Variants in NOS3 observed in about 807,000 individuals in gnomAD.
The protein encoded by NOS3 is NOS type III.
In NOS3, 98 loss-of-function variants were observed where a neutral mutation model predicts 144.9. The ratio of observed to expected loss-of-function variants is 0.68; its 90% confidence interval spans 0.57 to 0.80. The LOEUF (loss-of-function observed/expected upper bound fraction) is 0.80, where lower values mean the gene tolerates loss of function less well. Ranked by LOEUF, NOS3 falls within the 30% of genes least tolerant of loss-of-function variation. The pLI is 0.00. For synonymous variants in NOS3, 714 were observed against 702.4 expected, an observed-to-expected ratio of 1.02 and a Z score of -0.26; for missense variants, 1,465 against 1,656.4, an observed-to-expected ratio of 0.88 and a Z score of 2.01.
At position 150,996,906 on chromosome 7, in the gene NOS3, T is replaced by G. The variant is rs934958946; in HGVS notation, c.563T>G (p.Ile188Ser). The G allele has an allele frequency of 6.3e-7, 1 of 1,576,382 alleles. No individual in the cohort carries two copies. Among genetic ancestry groups the G allele is most frequent in the African/African-American group, 1.3e-5 (1 of 74,288 alleles). Residue 188 changes from isoleucine to serine, a missense_variant, in exon 5 of 27, where the codon ATC becomes AGC. By Grantham distance (142) the Ile-to-Ser change is moderately radical. Around this residue, in one of 5 missense-constraint regions of NOS3, gnomAD observed 374 missense variants for 377.0 expected, o/e 0.99. Coordinates refer to ENST00000297494, the MANE Select transcript of NOS3 (RefSeq NM_000603.5). Reference sequence around the variant, plus strand: ...AACGCTCCCCGCTGCGTGGGCCGGATCCAGTGGGGGAAGCTGCAGGTGCGG... The same window carrying G: ...AACGCTCCCCGCTGCGTGGGCCGGAGCCAGTGGGGGAAGCTGCAGGTGCGG... Reference protein sequence around the residue: ...WRNAPRCVGRIQWGKLQVFDA... With the variant: ...WRNAPRCVGRSQWGKLQVFDA...
At chr7:151,011,136 C>G (rs1386613207) in intron 23 of NOS3, 150 bp downstream of exon 23, 1 of 623,396 alleles carries the variant, frequency 1.6e-6, no homozygotes, top group African/African-American at 1.8e-5. Flanking sequence ...CTTCAGAACT[C>G]TGGCTAAGCT....
rs544887797 is a variant in NOS3 at position 151,009,024 on chromosome 7, G to T, written c.2207G>T (p.Arg736Leu). The T allele has an allele frequency of 5.0e-6, 8 of 1,612,400 alleles. No homozygotes were observed. In the East Asian group the frequency reaches 1.8e-4, roughly 36 times the overall value. ...CGGAGCTGGAAGCGCCAGAGGTACC[G>T]GCTGAGCGCCCAGGCCGAGGGCCTG... ...PKRSWKRQRY[R>L]LSAQAEGLQL... The change falls in exon 18 of 27, where the codon CGG (arginine) becomes CTG (leucine). Residue 736 changes from arginine to leucine, a missense_variant. By Grantham distance (102) the Arg-to-Leu change is moderately radical. Transcript: ENST00000297494.
At chr7:151,012,218 G>GT in intron 23 of NOS3, 133 bp from the exon 24 acceptor site, 8 of 522,016 alleles carry the variant, frequency 1.5e-5, no homozygotes, top group African/African-American at 2.0e-5. Flanking sequence ...GTTGTTTTTT[G>GT]TTTTTTGTTT....
chr7:151,007,563 C>T (rs3730306), intron 17 of NOS3, among the ~76,000 whole-genome samples: 3,829 of 152,202 alleles, frequency 0.025, 74 homozygotes, highest in Middle Eastern at 0.044. Flanking sequence ...CACAAGTGGG[C>T]GCACAAAGGG....
chr7:150,997,277 G>A (rs1365125235), intron 5 of NOS3, among the ~76,000 whole-genome samples: 1 of 151,874 alleles, frequency 6.6e-6, no homozygotes, highest in Non-Finnish European at 1.5e-5. Context: ...GCGGGGGTGA[G>A]GAAGTCTAGA....
At position 150,993,650 on chromosome 7, in the gene NOS3, TTGTTCC is replaced by T; in HGVS notation, c.-51-99_-51-94del. The T allele has an allele frequency of 1.4e-6, 1 of 701,266 alleles. No individual in the cohort carries two copies. The highest frequency in any genetic ancestry group is 2.2e-5 in the South Asian group (1 of 44,838). The allele number at this position is 701,266 out of a possible 1,614,324, so 43.4% of individuals were successfully genotyped here. A position where few individuals can be genotyped will look rare whatever the true frequency, so the allele number is the denominator to read the frequency against. ...AGGCTTTAGAGCCTCCCAGCCGGGC[TTGTTCC>T]TGTCCCATTGTGTATGGGATAGGGG... On this transcript the variant is annotated intron_variant, in intron 1 of 26. Transcript: ENST00000297494. The surrounding 1 kb of genome is among the most constrained non-coding windows in gnomAD (Gnocchi z 4.0).
Position 150,993,917 on chromosome 7 carries a change from C to T in NOS3, c.114C>T (p.Pro38=). The change falls in exon 2 of 27, where the codon CCC becomes CCT. Residue 38 remains proline, a synonymous_variant. Transcript: ENST00000297494. This position sits in a 1 kb window ranked among gnomAD's most constrained non-coding sequence, Gnocchi z 4.0. ...GCCCAGCCACCCCGGCCCCTGAGCC[C>T]AGCCGGGCCCCAGCATCCCTACTCC... is the stretch of plus-strand genomic sequence containing the variant. ...KQGPATPAPE[P]SRAPASLLPP... The T allele has an allele frequency of 6.3e-7, 1 of 1,583,862 alleles. No individual in the cohort carries two copies. Among genetic ancestry groups the T allele is most frequent in the East Asian group, 2.3e-5 (1 of 43,184 alleles).
Position 151,013,838 on chromosome 7 carries a change from C to G in NOS3, c.3370C>G (p.Leu1124Val), listed in dbSNP as rs773318406. 1.9e-6 allele frequency: 3 copies of G among 1,607,078 alleles called. No homozygotes were observed. Among genetic ancestry groups the G allele is most frequent in the Non-Finnish European group, 2.5e-6 (3 of 1,177,446 alleles). The change falls in exon 26 of 27, where the codon CTG becomes GTG. Residue 1124 changes from leucine (L) to valine (V), a missense_variant. Leu to Val is a conservative substitution (Grantham distance 32). Around this residue, in one of 5 missense-constraint regions of NOS3, gnomAD observed 228 missense variants for 227.7 expected, o/e 1.00. Coordinates refer to ENST00000297494, the MANE Select transcript of NOS3 (RefSeq NM_000603.5). ...CGDVTMATNV[L>V]QTVQRILATE... Reference sequence around the variant, plus strand: ...CGATGTTACCATGGCAACCAACGTCCTGCAGACCGTGCAGCGCATCCTGGC... The same window carrying G: ...CGATGTTACCATGGCAACCAACGTCGTGCAGACCGTGCAGCGCATCCTGGC...
chr7:151,008,628 C>G (rs1328495526), intron 17 of NOS3, among the ~76,000 whole-genome samples: 1 of 152,350 alleles, frequency 6.6e-6, no homozygotes, highest in East Asian at 1.9e-4. Context: ...TCTGAACACA[C>G]AGACGCCTTC....
At chr7:150,994,870 C>T (rs1041042359) in intron 2 of NOS3, among the ~76,000 whole-genome samples, 10 of 152,228 alleles carry the variant, frequency 6.6e-5, no homozygotes, top group Admixed American at 1.3e-4. Flanking sequence ...GCACCAGGCT[C>T]TGTCCCCCTC....
chr7:151,003,507 CT>C lies in NOS3; in HGVS notation c.1752+1207del. 8.0e-7 allele frequency: 1 copy of C among 1,254,122 alleles called. No homozygotes were observed. Among genetic ancestry groups the C allele is most frequent in the South Asian group, 1.4e-5 (1 of 71,930 alleles). 77.7% of individuals were successfully genotyped at this position (1,254,122 alleles called of 1,614,324 possible). ...CGTTTCAGCCCTCATTCTGACCTAC[CT>C]TTTCAAGAAAAATAGCACCAGCAAT... is the stretch of plus-strand genomic sequence containing the variant. On this transcript the variant is annotated intron_variant, in intron 14 of 26. Transcript: ENST00000297494. The surrounding 1 kb of genome is among the most constrained non-coding windows in gnomAD (Gnocchi z 4.1).
Position 151,010,148 on chromosome 7 carries a change from G to A in NOS3, c.2546G>A (p.Arg849Gln), listed in dbSNP as rs751345639. The change falls in exon 21 of 27, where the codon CGG becomes CAG. Residue 849 changes from arginine to glutamine, a missense_variant. Physicochemically the swap from Arg to Gln is conservative, Grantham distance 43 (BLOSUM62 1). Coordinates refer to ENST00000297494, the MANE Select transcript of NOS3 (RefSeq NM_000603.5). ...CCCCCCGGCTGGGTGCGGGACCCCCGGCTGCCCCCGTGCACGCTGCGCCAG... is the reference window on the plus strand; with the variant it reads ...CCCCCCGGCTGGGTGCGGGACCCCCAGCTGCCCCCGTGCACGCTGCGCCAG... ...GPPPGWVRDP[R>Q]LPPCTLRQAL... The A allele has an allele frequency of 9.9e-6, 16 of 1,608,970 alleles. No individual in the cohort carries two copies. The highest frequency in any genetic ancestry group is 2.2e-5 in the East Asian group (1 of 44,882).
rs1221757575 is a variant in NOS3, at chr7:151,010,966, T to A, written c.2964T>A (p.Pro988=). 1 of 1,613,514 alleles carries A rather than the reference T, an allele frequency of 6.2e-7. No individual in the cohort carries two copies. The highest frequency in any genetic ancestry group is 1.1e-5 in the South Asian group (1 of 90,968). ...TAAGCCAGCTCAAGCCCGGAGACCC[T>A]GTGCCCTGCTTCATCCGGGGGTAAG... ...TWLSQLKPGD[P]VPCFIRGAPS... The change falls in exon 23 of 27, where the codon CCT becomes CCA. Residue 988 remains proline, a synonymous_variant. Transcript: ENST00000297494.
rs1795291366 is a variant in NOS3 at position 151,010,935 on chromosome 7, C to T, written c.2933C>T (p.Thr978Met). The change falls in exon 23 of 27, where the codon ACG (threonine) becomes ATG (methionine). Residue 978 changes from threonine (T) to methionine (M), a missense_variant. Thr to Met is a moderately conservative substitution (Grantham distance 81). This residue lies in a region of NOS3 where 106 missense variants were observed against 167.7 expected (regional missense o/e 0.63). Transcript: ENST00000297494. ...LGPLHYGVCSTWLSQLKPGDP... is the reference protein window; with the variant it reads ...LGPLHYGVCSMWLSQLKPGDP... Reference sequence around the variant, plus strand: ...CCCCTGCACTATGGAGTCTGCTCCACGTGGCTAAGCCAGCTCAAGCCCGGA... The same window carrying T: ...CCCCTGCACTATGGAGTCTGCTCCATGTGGCTAAGCCAGCTCAAGCCCGGA... 6 of 1,613,962 alleles carry T rather than the reference C, an allele frequency of 3.7e-6. No homozygotes were observed. The highest frequency in any genetic ancestry group is 2.2e-5 in the East Asian group (1 of 44,868).
intron 19 of NOS3, 30 bp downstream of exon 19, chr7:151,009,297 C>G: frequency 6.4e-7 from 1 of 1,558,194 alleles, no homozygotes; most frequent in Non-Finnish European, 8.8e-7. Flanking sequence ...CGCCCCCCCA[C>G]CCCTGTCCTG....
At position 151,014,042 on chromosome 7, in the gene NOS3, T is replaced by C; in HGVS notation, c.3485T>C (p.Leu1162Pro). 1 of 1,613,584 alleles carries C rather than the reference T, an allele frequency of 6.2e-7. No individual in the cohort carries two copies. The highest frequency in any genetic ancestry group is 8.5e-7 in the Non-Finnish European group (1 of 1,179,754). The change falls in exon 27 of 27, where the codon CTC becomes CCC. Residue 1162 changes from leucine (L) to proline (P), a missense_variant. Physicochemically the swap from Leu to Pro is moderately conservative, Grantham distance 98. Around this residue, in one of 5 missense-constraint regions of NOS3, gnomAD observed 228 missense variants for 227.7 expected, o/e 1.00. Transcript: ENST00000297494. ...QQRYHEDIFG[L>P]TLRTQEVTSR... ...CGCTACCACGAAGACATTTTCGGGC[T>C]CACGCTGCGCACCCAGGAGGTGACA...
intron 2 of NOS3, among the ~76,000 whole-genome samples, chr7:150,994,605 G>A (rs1802327222): frequency 6.6e-6 from 1 of 152,176 alleles, no homozygotes; most frequent in Non-Finnish European, 1.5e-5. Flanking sequence ...AGACCCGGAG[G>A]CCTGGTGGGG....
chr7:151,012,225 GTTTT>G, intron 23 of NOS3, 122 bp from the exon 24 acceptor site: 2 of 518,492 alleles, frequency 3.9e-6, no homozygotes, highest in Non-Finnish European at 6.0e-6. Context: ...TTTGTTTTTT[GTTTT>G]TTTTTTAATT....
chr7:151,013,135 G>T (rs1173176224), intron 24 of NOS3, 96 bp from the exon 25 acceptor site: 9 of 1,370,646 alleles, frequency 6.6e-6, no homozygotes, highest in East Asian at 2.3e-5. Context: ...AGCCCAAAAC[G>T]CTGGGCTGCC....
Sources: allele counts gnomAD v4.1 joint callset (sites outside exome capture counted in the v4.1 genomes callset), GRCh38; gene constraint gnomAD v4.1.1; regional missense constraint gnomAD v4.1.1; non-coding constraint Gnocchi (gnomAD v3.1); transcripts MANE v1.5; gene names NCBI Gene and HGNC (gene_info 2026-07-23, HGNC 2026-07-21).